Variants in SHC3 observed in about 807,000 individuals in gnomAD.
SHC3 encodes SHC-transforming protein 3.
In SHC3, 15 loss-of-function variants were observed where a neutral mutation model predicts 60.4. That is an observed-to-expected ratio of 0.25 (90% CI 0.17 to 0.38). The LOEUF is 0.38. Ranked by LOEUF, SHC3 falls within the 10% of genes least tolerant of loss-of-function variation. SHC3 has a pLI of 1.00. For synonymous variants in SHC3, 294 were observed against 325.9 expected, an observed-to-expected ratio of 0.90 and a Z score of 1.05; for missense variants, 677 against 786.1, an observed-to-expected ratio of 0.86 and a Z score of 1.66.
At chr9:89,139,849 TG>T (rs1826367979) in intron 1 of SHC3, among the ~76,000 whole-genome samples, 1 of 152,198 alleles carries the variant, frequency 6.6e-6, no homozygotes, top group East Asian at 1.9e-4. Context: ...CTAGGGAGCA[TG>T]GCTCTCCATA....
Position 89,178,464 on chromosome 9 carries a change from C to T in SHC3, c.-4G>A. 1 of 1,431,772 alleles carries T rather than the reference C, an allele frequency of 7.0e-7. No homozygotes were observed. Among genetic ancestry groups the T allele is most frequent in the Non-Finnish European group, 9.2e-7 (1 of 1,085,028 alleles). The allele number at this position is 1,431,772 out of a possible 1,614,324, so 88.7% of individuals were successfully genotyped here. A position where few individuals can be genotyped will look rare whatever the true frequency, so the allele number is the denominator to read the frequency against. ...TATACTTGGTGCGTGGAAGCATGCC[C>T]CTCCGTGGGCTCGCTGCATCCGCCC... On this transcript the variant is annotated 5_prime_UTR_variant, in exon 1 of 12. Transcript: ENST00000375835. The surrounding 1 kb of genome is among the most constrained non-coding windows in gnomAD (Gnocchi z 6.9).
chr9:89,071,245 G>A lies in SHC3; in HGVS notation c.737C>T (p.Ala246Val). Residue 246 changes from alanine (A) to valine (V), a missense_variant, in exon 5 of 12, where the codon GCG (alanine) becomes GTG (valine). Transcript: ENST00000375835. Reference protein sequence around the residue: ...LRTPDSKQIIANHHMRSISFA... With the variant: ...LRTPDSKQIIVNHHMRSISFA... Reference sequence around the variant, plus strand: ...GGAGATGGACCGCATGTGGTGATTCGCTATGATCTGCCAGGCCCAAAACAA... The same window carrying A: ...GGAGATGGACCGCATGTGGTGATTCACTATGATCTGCCAGGCCCAAAACAA... 4 of 1,614,084 alleles carry A rather than the reference G, an allele frequency of 2.5e-6. No individual in the cohort carries two copies. The highest frequency in any genetic ancestry group is 3.4e-6 in the Non-Finnish European group (4 of 1,179,996).
At chr9:89,171,969 G>C (rs757361429) in intron 1 of SHC3, among the ~76,000 whole-genome samples, 1 of 152,192 alleles carries the variant, frequency 6.6e-6, no homozygotes, top group African/African-American at 2.4e-5. Flanking sequence ...AAAGAAACCC[G>C]CCAGAGGTGC....
At chr9:89,156,465 G>T (rs1826624804) in intron 1 of SHC3, among the ~76,000 whole-genome samples, 1 of 152,040 alleles carries the variant, frequency 6.6e-6, no homozygotes, top group Non-Finnish European at 1.5e-5. Flanking sequence ...GGAGCCTGTG[G>T]GCCCCCAAAG....
intron 11 of SHC3, among the ~76,000 whole-genome samples, chr9:89,029,850 C>A (rs1057146918): frequency 6.6e-6 from 1 of 151,888 alleles, no homozygotes; most frequent in African/African-American, 2.4e-5. Flanking sequence ...CAATGTTATG[C>A]CTAATATATA....
At chr9:89,099,276 C>T (rs1825749336) in intron 2 of SHC3, among the ~76,000 whole-genome samples, 1 of 152,120 alleles carries the variant, frequency 6.6e-6, no homozygotes, top group Non-Finnish European at 1.5e-5. Flanking sequence ...GCTAATGCAT[C>T]AATTTTTATT....
chr9:89,167,653 C>T (rs887108515), intron 1 of SHC3, among the ~76,000 whole-genome samples: 1 of 152,196 alleles, frequency 6.6e-6, no homozygotes, highest in Non-Finnish European at 1.5e-5. Context: ...TACTTACTTG[C>T]TATTTGTTCT....
intron 2 of SHC3, among the ~76,000 whole-genome samples, chr9:89,099,876 C>A (rs1248365575): frequency 6.6e-6 from 1 of 152,148 alleles, no homozygotes; most frequent in African/African-American, 2.4e-5. Flanking sequence ...TCAATAAGCA[C>A]ATATTAATTT....
chr9:89,063,837 G>A (rs1398145690), intron 6 of SHC3, among the ~76,000 whole-genome samples: 1 of 152,238 alleles, frequency 6.6e-6, no homozygotes, highest in Admixed American at 6.5e-5. Context: ...CAATAGATAG[G>A]TGGGAACACA....
intron 2 of SHC3, among the ~76,000 whole-genome samples, chr9:89,081,616 C>A (rs968194137): frequency 1.3e-5 from 2 of 152,118 alleles, no homozygotes; most frequent in African/African-American, 4.8e-5. Flanking sequence ...TATCCCACCC[C>A]CCTAGTCCTT....
intron 2 of SHC3, among the ~76,000 whole-genome samples, chr9:89,092,870 A>G (rs1262636988): frequency 2.0e-5 from 3 of 151,966 alleles, no homozygotes; most frequent in Admixed American, 1.3e-4. Context: ...AAAAGCATCT[A>G]TTGTTTTAAT....
chr9:89,101,004 A>G (rs1825775188), intron 2 of SHC3, among the ~76,000 whole-genome samples: 1 of 152,176 alleles, frequency 6.6e-6, no homozygotes, highest in Non-Finnish European at 1.5e-5. Flanking sequence ...ATCAATTTGG[A>G]AAGGTTTTGA....
Position 89,122,278 on chromosome 9 carries a change from T to C in SHC3, c.475-9652A>G, listed in dbSNP as rs535777664. 3.7e-4 allele frequency among the ~76,000 whole-genome samples: 57 copies of C among 152,358 alleles called. 2 individuals carry two copies. The highest frequency in any genetic ancestry group is 3.1e-3 in the East Asian group (16 of 5,190). ...AATTATTTCTGAAGCAGTCAGTAAC[T>C]TTGCTACCCTCTTCAGGCAAATGAA... On this transcript the variant is annotated intron_variant, in intron 1 of 11. Coordinates refer to ENST00000375835, the MANE Select transcript of SHC3 (RefSeq NM_016848.6).
intron 1 of SHC3, among the ~76,000 whole-genome samples, chr9:89,143,997 G>A (rs1826432503): frequency 6.6e-6 from 1 of 152,114 alleles, no homozygotes; most frequent in African/African-American, 2.4e-5. Flanking sequence ...GAGCCCTAGT[G>A]TTCACTCTTC....
chr9:89,124,101 A>C (rs1212759211), intron 1 of SHC3, among the ~76,000 whole-genome samples: 6 of 152,112 alleles, frequency 3.9e-5, no homozygotes, highest in Non-Finnish European at 8.8e-5. Context: ...GCTCATCATC[A>C]CTGGTCATCA....
chr9:89,083,538 T>C (rs1041680042), intron 2 of SHC3, among the ~76,000 whole-genome samples: 6 of 152,068 alleles, frequency 3.9e-5, no homozygotes, highest in African/African-American at 1.4e-4. Context: ...CCTGATATGA[T>C]AGAAATAGTG....
At chr9:89,043,876 A>G (rs1030200132) in intron 9 of SHC3, among the ~76,000 whole-genome samples, 1 of 151,918 alleles carries the variant, frequency 6.6e-6, no homozygotes, top group South Asian at 2.1e-4. Flanking sequence ...CTGGCATCGA[A>G]CTCCTGACCT....
At chr9:89,173,256 C>G (rs1454452430) in intron 1 of SHC3, among the ~76,000 whole-genome samples, 1 of 152,250 alleles carries the variant, frequency 6.6e-6, no homozygotes, top group East Asian at 1.9e-4. Context: ...TGTCCCCTAC[C>G]CTAAGCCAGG....
chr9:89,173,623 C>T (rs986793370), intron 1 of SHC3, among the ~76,000 whole-genome samples: 2 of 152,060 alleles, frequency 1.3e-5, no homozygotes, highest in African/African-American at 4.8e-5. Flanking sequence ...CATCACAAGT[C>T]ATCTACCTGT....
Sources: gnomAD v4.1 joint callset for allele counts (sites outside exome capture counted in the v4.1 genomes callset) on GRCh38, gnomAD v4.1.1 for gene constraint, Gnocchi (gnomAD v3.1) non-coding constraint, MANE v1.5 for transcripts, NCBI Gene and HGNC (gene_info 2026-07-23, HGNC 2026-07-21) for gene names.